The following ZDHHC15 variants were observed in gnomAD, a reference collection of about 807,000 sequenced individuals.
The protein encoded by ZDHHC15 is palmitoyltransferase ZDHHC15.
ZDHHC15 carries 19 observed loss-of-function variants against 31.7 expected under a neutral mutation model. The ratio of observed to expected loss-of-function variants is 0.60; its 90% confidence interval spans 0.42 to 0.88. ZDHHC15 has a LOEUF of 0.88. Among genes scored for constraint, ZDHHC15 ranks in the 40% least tolerant of loss-of-function variants. The pLI, the probability that ZDHHC15 is intolerant of heterozygous loss-of-function variation, is 0.00. For synonymous variants in ZDHHC15, 103 were observed against 90.0 expected, an observed-to-expected ratio of 1.14 and a Z score of -0.82; for missense variants, 209 against 251.2, an observed-to-expected ratio of 0.83 and a Z score of 1.14.
chrX:75,467,769 C>A (rs952886909), intron 3 of ZDHHC15, among the ~76,000 whole-genome samples: 1 of 111,725 alleles, frequency 9.0e-6, no homozygotes, highest in Non-Finnish European at 1.9e-5. Context: ...ACATAAATTC[C>A]ATTTAAAGTG....
chrX:75,489,940 A>G (rs1229346819), intron 2 of ZDHHC15, among the ~76,000 whole-genome samples: 1 of 112,447 alleles, frequency 8.9e-6, no homozygotes, highest in African/African-American at 3.2e-5. Context: ...CTATGTGACG[A>G]ATGCACTAGC....
At chrX:75,429,905 C>CT in intron 6 of ZDHHC15, 43 bp downstream of exon 6, 1 of 1,185,294 alleles carries the variant, frequency 8.4e-7, no homozygotes, top group Non-Finnish European at 1.1e-6. Flanking sequence ...AATTGAGCAA[C>CT]TTTGACCCCT....
chrX:75,502,433 T>C (rs369795854), intron 2 of ZDHHC15, among the ~76,000 whole-genome samples: 16 of 112,212 alleles, frequency 1.4e-4, no homozygotes, highest in African/African-American at 5.2e-4. Context: ...AACAGTTCTG[T>C]TATTTAGAAA....
At chrX:75,447,852 T>G (rs184579263) in intron 4 of ZDHHC15, among the ~76,000 whole-genome samples, 1 of 112,143 alleles carries the variant, frequency 8.9e-6, no homozygotes, top group African/African-American at 3.2e-5. Flanking sequence ...CCAGCCACTT[T>G]GGAATCCTCG....
intron 2 of ZDHHC15, among the ~76,000 whole-genome samples, chrX:75,479,673 C>T (rs1463656519): frequency 9.0e-6 from 1 of 111,147 alleles, no homozygotes; most frequent in Non-Finnish European, 1.9e-5. Flanking sequence ...ACCCCCTCAC[C>T]CATACCAGTC....
chrX:75,469,424 C>G (rs2084467378), intron 3 of ZDHHC15, among the ~76,000 whole-genome samples: 1 of 111,731 alleles, frequency 9.0e-6, no homozygotes. Context: ...TTAGCAAAGA[C>G]CATTCTACTT....
chrX:75,420,350 GT>G (rs1203353677), intron 9 of ZDHHC15, among the ~76,000 whole-genome samples: 1 of 111,670 alleles, frequency 9.0e-6, no homozygotes, highest in Non-Finnish European at 1.9e-5. Flanking sequence ...CTTTTATACT[GT>G]TGGTGGGAGT....
chrX:75,428,403 T>C (rs1159358312), intron 7 of ZDHHC15, among the ~76,000 whole-genome samples: 1 of 112,191 alleles, frequency 8.9e-6, no homozygotes, highest in Admixed American at 9.5e-5. Context: ...AATAACTTTT[T>C]TTGAGATTTC....
intron 2 of ZDHHC15, among the ~76,000 whole-genome samples, chrX:75,505,104 C>G (rs564812231): frequency 9.0e-6 from 1 of 111,295 alleles, no homozygotes; most frequent in African/African-American, 3.3e-5. Flanking sequence ...TGCTCTCTTG[C>G]CTCTATAGCC....
At chrX:75,389,627 T>C (rs1324162174) in intron 10 of ZDHHC15, among the ~76,000 whole-genome samples, 1 of 110,600 alleles carries the variant, frequency 9.0e-6, no homozygotes, top group African/African-American at 3.3e-5. Context: ...ACATGCTGTA[T>C]TAAAGTGAAA....
chrX:75,516,656 G>A (rs2085361911), intron 1 of ZDHHC15, among the ~76,000 whole-genome samples: 1 of 111,801 alleles, frequency 8.9e-6, no homozygotes, highest in African/African-American at 3.2e-5. Flanking sequence ...CAGGCAATAC[G>A]ATTCAGGACA....
intron 3 of ZDHHC15, among the ~76,000 whole-genome samples, chrX:75,454,308 C>T (rs2084178412): frequency 9.0e-6 from 1 of 111,715 alleles, no homozygotes; most frequent in African/African-American, 3.3e-5. Context: ...AATAAAATAC[C>T]TAGGAATCTT....
intron 10 of ZDHHC15, among the ~76,000 whole-genome samples, chrX:75,405,272 T>C (rs1406589775): frequency 9.0e-6 from 1 of 111,093 alleles, no homozygotes; most frequent in Non-Finnish European, 1.9e-5. Context: ...AAGATGACTA[T>C]TAGGTACTAA....
At chrX:75,495,344 T>C (rs1037827188) in intron 2 of ZDHHC15, among the ~76,000 whole-genome samples, 2 of 111,759 alleles carry the variant, frequency 1.8e-5, no homozygotes, top group Non-Finnish European at 3.8e-5. Context: ...GACTGTAAAC[T>C]AGTTCACCCA....
chrX:75,421,402 TATATATATA>T (rs1300194060), intron 9 of ZDHHC15, among the ~76,000 whole-genome samples: 74 of 8,044 alleles, frequency 9.2e-3, no homozygotes, highest in Non-Finnish European at 0.012. Flanking sequence ...ATATATATTA[TATATATATA>T]ATATATATAT....
At position 75,378,020 on chromosome X, in the gene ZDHHC15, C is replaced by T. The variant is rs771618610; in HGVS notation, c.*32+1100G>A. Among the ~76,000 whole-genome samples the T allele has an allele frequency of 4.5e-5, 5 of 111,988 alleles. No individual in the cohort carries two copies. The East Asian group carries it at 1.4e-3, about 31-fold the overall frequency. On this transcript the variant is annotated intron_variant, in intron 11 of 11. Transcript: ENST00000373367. ...ATTACTATCATATAAGTTGTCTTAC[C>T]TAAACATCAAACATTTCATCAGGGC...
At chrX:75,464,611 C>A (rs1488446887) in intron 3 of ZDHHC15, among the ~76,000 whole-genome samples, 3 of 111,230 alleles carry the variant, frequency 2.7e-5, no homozygotes, top group African/African-American at 9.8e-5. Context: ...AAGCTATTCA[C>A]AACAATCAAG....
chrX:75,453,747 T>A, intron 3 of ZDHHC15, among the ~76,000 whole-genome samples: 1 of 111,158 alleles, frequency 9.0e-6, no homozygotes, highest in Non-Finnish European at 1.9e-5. Flanking sequence ...TGAAAATCAA[T>A]AAACGTAATC....
At position 75,478,974 on chromosome X, in the gene ZDHHC15, T is replaced by TGA; in HGVS notation, c.173_174dup (p.Ile59SerfsTer79). Reference sequence around the variant, plus strand: ...AACACAAAGATGGCATGGTAGAGTATGAGGTAAATAACTGAAATAAAAAAA... The same window carrying TGA: ...AACACAAAGATGGCATGGTAGAGTATGAGAGGTAAATAACTGAAATAAAAAAA... On this transcript the variant is annotated frameshift_variant, in exon 3 of 12. Coordinates refer to ENST00000373367, the MANE Select transcript of ZDHHC15 (RefSeq NM_144969.3). LOFTEE classifies it high-confidence loss of function. The TGA allele has an allele frequency of 8.5e-7, 1 of 1,182,049 alleles. No homozygotes were observed. The highest frequency in any genetic ancestry group is 1.1e-6 in the Non-Finnish European group (1 of 876,784).
Sources: gnomAD v4.1 joint callset for allele counts (sites outside exome capture counted in the v4.1 genomes callset) on GRCh38, gnomAD v4.1.1 for gene constraint, MANE v1.5 for transcripts, NCBI Gene and HGNC (gene_info 2026-07-23, HGNC 2026-07-21) for gene names.